Variants in COG3 observed in about 807,000 individuals in gnomAD.
The protein encoded by COG3 is conserved oligomeric Golgi complex subunit 3.
Under a neutral mutation model 114.1 loss-of-function variants are expected in COG3, and 32 were observed. The ratio of observed to expected loss-of-function variants is 0.28; its 90% CI spans 0.21 to 0.38. COG3 has a LOEUF of 0.38. COG3 is among the 10% of genes least tolerant of loss of function. The probability of loss-of-function intolerance (pLI) is 1.00; values close to 1 mark genes in which losing one functional copy is unlikely to be tolerated. For missense variants in COG3, 813 were observed against 973.2 expected (o/e 0.84, Z 2.19); for synonymous variants, 352 against 365.7 (o/e 0.96, Z 0.43).
intron 15 of COG3, among the ~76,000 whole-genome samples, chr13:45,511,048 A>G (rs1870804774): frequency 6.6e-6 from 1 of 152,216 alleles, no homozygotes; most frequent in African/African-American, 2.4e-5. Flanking sequence ...CTGGGAGTGA[A>G]GCAAGGGGAC....
At chr13:45,478,729 TC>T (rs1247039714) in intron 2 of COG3, among the ~76,000 whole-genome samples, 1 of 152,182 alleles carries the variant, frequency 6.6e-6, no homozygotes, top group Non-Finnish European at 1.5e-5. Context: ...CCTCAGGTGA[TC>T]CGCCCACCTC....
intron 22 of COG3, among the ~76,000 whole-genome samples, chr13:45,531,557 G>A (rs1298707242): frequency 6.6e-6 from 1 of 151,962 alleles, no homozygotes; most frequent in Non-Finnish European, 1.5e-5. Context: ...GCCCAGGCTG[G>A]AGTTCAGTGG....
intron 22 of COG3, among the ~76,000 whole-genome samples, chr13:45,532,789 C>T (rs1028812858): frequency 6.6e-5 from 10 of 151,802 alleles, no homozygotes; most frequent in Admixed American, 2.6e-4. Flanking sequence ...GATCTGCTGA[C>T]CGCGTGATCC....
intron 13 of COG3, among the ~76,000 whole-genome samples, chr13:45,502,930 T>C (rs1474481147): frequency 6.6e-6 from 1 of 152,230 alleles, no homozygotes; most frequent in African/African-American, 2.4e-5. Flanking sequence ...TCATTACTAA[T>C]TTAGTAGTTG....
chr13:45,535,357 C>A lies in COG3; in HGVS notation c.*626C>A. The A allele has an allele frequency of 2.0e-6, 2 of 985,458 alleles. No homozygotes were observed. The highest frequency in any genetic ancestry group is 9.4e-5 in the South Asian group (2 of 21,280). The allele number at this position is 985,458 out of a possible 1,614,324, so 61.0% of individuals were successfully genotyped here. A position where few individuals can be genotyped will look rare whatever the true frequency, so the allele number is the denominator to read the frequency against. On this transcript the variant is annotated 3_prime_UTR_variant, in exon 23 of 23. Transcript: ENST00000349995. ...ACAAGGACTTTGTGTGAAGCTCCAG[C>A]ATCTGTGCCCCTTGAATTGCTTAGG...
At chr13:45,470,931 A>G (rs1392441895) in intron 1 of COG3, among the ~76,000 whole-genome samples, 1 of 152,268 alleles carries the variant, frequency 6.6e-6, no homozygotes, top group Non-Finnish European at 1.5e-5. Context: ...GGTGCCGGGC[A>G]TGGCAGTGAG....
chr13:45,521,802 C>CTTT (rs59075597), intron 19 of COG3, among the ~76,000 whole-genome samples: 1 of 111,406 alleles, frequency 9.0e-6, no homozygotes, highest in Admixed American at 9.5e-5. Context: ...ATTTAGTTAG[C>CTTT]TTTTTTTTTT....
intron 19 of COG3, among the ~76,000 whole-genome samples, chr13:45,522,917 A>C (rs1372458068): frequency 6.6e-6 from 1 of 152,202 alleles, no homozygotes; most frequent in Non-Finnish European, 1.5e-5. Flanking sequence ...ACTTTGTGTC[A>C]AGGCAGCTGA....
At chr13:45,493,223 G>A in intron 11 of COG3, 124 bp from the exon 12 acceptor site, 1 of 719,304 alleles carries the variant, frequency 1.4e-6, no homozygotes, top group South Asian at 2.0e-5. Context: ...AATGTCCTCA[G>A]ATACTATTTT....
At chr13:45,525,681 T>C (rs967399104) in intron 20 of COG3, among the ~76,000 whole-genome samples, 21 of 142,814 alleles carry the variant, frequency 1.5e-4, no homozygotes, top group Non-Finnish European at 2.9e-4. Context: ...TTTAAAATCA[T>C]GACTAACTTT....
chr13:45,472,356 G>A (rs575239601), intron 1 of COG3, among the ~76,000 whole-genome samples: 2 of 152,006 alleles, frequency 1.3e-5, no homozygotes, highest in Admixed American at 6.6e-5. Flanking sequence ...TAGAGCTGTA[G>A]TTTTATATCT....
At chr13:45,480,069 C>G in intron 3 of COG3, 56 bp from the exon 4 acceptor site, 2 of 1,432,896 alleles carry the variant, frequency 1.4e-6, no homozygotes, top group Admixed American at 4.3e-5. Context: ...TGTTTTTTTA[C>G]TGTGCTTATT....
intron 7 of COG3, among the ~76,000 whole-genome samples, chr13:45,484,151 A>G (rs2137807721): frequency 6.6e-6 from 1 of 152,292 alleles, no homozygotes; most frequent in Admixed American, 6.5e-5. Context: ...GTCTTCTTGA[A>G]CTTTCCATGC....
chr13:45,477,922 G>A (rs1885985264), intron 2 of COG3, among the ~76,000 whole-genome samples: 1 of 151,702 alleles, frequency 6.6e-6, no homozygotes, highest in South Asian at 2.1e-4. Flanking sequence ...TACCATTCCC[G>A]GCCCCACAGT....
intron 7 of COG3, among the ~76,000 whole-genome samples, chr13:45,484,608 A>T (rs9567550): frequency 0.097 from 4,582 of 47,012 alleles, 124 homozygotes; most frequent in Non-Finnish European, 0.15. Flanking sequence ...TTATTTATTT[A>T]TTTATTTTTT....
chr13:45,516,383 A>C (rs1871544720), intron 17 of COG3, 120 bp downstream of exon 17: 2 of 847,190 alleles, frequency 2.4e-6, no homozygotes, highest in Non-Finnish European at 1.7e-6. Context: ...CTTGCTAAAT[A>C]TGTTATTTGT....
In COG3 at chr13:45,525,020, T is replaced by C. The variant is rs1452148275; in HGVS notation, c.2199T>C (p.Tyr733=). 3.1e-6 allele frequency: 5 copies of C among 1,613,952 alleles called. No homozygotes were observed. Among genetic ancestry groups the C allele is most frequent in the Non-Finnish European group, 4.2e-6 (5 of 1,179,872 alleles). Residue 733 remains tyrosine, a synonymous_variant, in exon 20 of 23, where the codon TAT becomes TAC. Coordinates refer to ENST00000349995, the MANE Select transcript of COG3 (RefSeq NM_031431.4). ...KTMASQGGPK[Y]TLSQQPWAQP... is the part of the protein sequence containing the mutation. Reference sequence around the variant, plus strand: ...TGGCCAGTCAGGGAGGCCCCAAGTATACTCTCTCACAGCAGCCTTGGGCAC... The same window carrying C: ...TGGCCAGTCAGGGAGGCCCCAAGTACACTCTCTCACAGCAGCCTTGGGCAC...
chr13:45,523,345 T>C (rs942554329), intron 19 of COG3, among the ~76,000 whole-genome samples: 6 of 152,184 alleles, frequency 3.9e-5, no homozygotes, highest in Admixed American at 2.6e-4. Context: ...TGGAGTTTGA[T>C]CTGTAAGTTT....
intron 22 of COG3, among the ~76,000 whole-genome samples, chr13:45,531,788 G>A (rs1873187189): frequency 6.6e-6 from 1 of 152,152 alleles, no homozygotes; most frequent in Non-Finnish European, 1.5e-5. Flanking sequence ...TTACAGTCGA[G>A]CCACCATACC....
Sources: gnomAD v4.1 joint callset for allele counts (sites outside exome capture counted in the v4.1 genomes callset) on GRCh38, gnomAD v4.1.1 for gene constraint, MANE v1.5 for transcripts, NCBI Gene and HGNC (gene_info 2026-07-23, HGNC 2026-07-21) for gene names.